CTNNA1: variants seen among roughly 807,000 people sequenced by gnomAD.
CTNNA1 encodes catenin alpha 1.
A neutral mutation model predicts 98.4 loss-of-function variants in CTNNA1; 37 were observed. The observed-to-expected ratio is 0.38, with a 90% CI of 0.29 to 0.49. The LOEUF (loss-of-function observed/expected upper bound fraction) is 0.49, where lower values mean the gene tolerates loss of function less well. Ranked by LOEUF, CTNNA1 falls within the 20% of genes least tolerant of loss-of-function variation. CTNNA1 has a pLI of 0.95. For missense variants in CTNNA1, 761 were observed against 1,147.2 expected, an observed-to-expected ratio of 0.66 and a Z score of 4.86; for synonymous variants, 404 against 413.2, an observed-to-expected ratio of 0.98 and a Z score of 0.27.
intron 9 of CTNNA1, among the ~76,000 whole-genome samples, chr5:138,898,326 T>G (rs765802225): frequency 2.2e-4 from 34 of 152,278 alleles, no homozygotes; most frequent in Admixed American, 4.6e-4. Context: ...TCTTTTCTTA[T>G]AAATTACCCA....
At chr5:138,777,764 A>T (rs1178617589) in intron 1 of CTNNA1, among the ~76,000 whole-genome samples, 4 of 151,004 alleles carry the variant, frequency 2.6e-5, no homozygotes, top group African/African-American at 9.7e-5. Flanking sequence ...AGGCTGAGGC[A>T]GGAGAATCAG....
At chr5:138,925,884 G>T (rs1763907451) in intron 13 of CTNNA1, among the ~76,000 whole-genome samples, 1 of 152,180 alleles carries the variant, frequency 6.6e-6, no homozygotes, top group Non-Finnish European at 1.5e-5. Flanking sequence ...CAAGTGCCGA[G>T]CCCCTTTCCC....
chr5:138,889,206 G>C (rs1057109235), intron 9 of CTNNA1, among the ~76,000 whole-genome samples: 2 of 152,126 alleles, frequency 1.3e-5, no homozygotes, highest in African/African-American at 2.4e-5. Flanking sequence ...CCAAGGCCTT[G>C]GGTACCAGTG....
chr5:138,900,094 CT>C (rs748345308), intron 9 of CTNNA1, among the ~76,000 whole-genome samples: 1 of 152,210 alleles, frequency 6.6e-6, no homozygotes, highest in Non-Finnish European at 1.5e-5. Context: ...TATTGAGTGC[CT>C]CTGAAATGTT....
chr5:138,781,809 T>A (rs554131274), intron 1 of CTNNA1, 114 bp from the exon 2 acceptor site: 246 of 908,170 alleles, frequency 2.7e-4, no homozygotes, highest in Non-Finnish European at 5.2e-5. Flanking sequence ...AATTTTTTCA[T>A]CTATAGTGAA....
At chr5:138,863,749 T>A (rs1312392745) in intron 7 of CTNNA1, among the ~76,000 whole-genome samples, 1 of 152,126 alleles carries the variant, frequency 6.6e-6, no homozygotes, top group Non-Finnish European at 1.5e-5. Context: ...CTGATTGAGG[T>A]GGACAAGATA....
At chr5:138,878,377 T>A (rs1011857217) in intron 7 of CTNNA1, among the ~76,000 whole-genome samples, 5 of 152,242 alleles carry the variant, frequency 3.3e-5, no homozygotes, top group Non-Finnish European at 7.3e-5. Flanking sequence ...GGGCTACATA[T>A]CTATTTTTCT....
chr5:138,875,679 C>A (rs921855701), intron 7 of CTNNA1: 1 of 985,302 alleles, frequency 1.0e-6, no homozygotes, highest in Non-Finnish European at 1.2e-6. Flanking sequence ...GAGAGATCAT[C>A]TAAATGGGCA....
chr5:138,849,604 C>G (rs1972072), intron 7 of CTNNA1, among the ~76,000 whole-genome samples: 104,875 of 152,024 alleles, frequency 0.69, 36,338 homozygotes, highest in East Asian at 0.93. Context: ...GAGGCACGTG[C>G]GCTGGCTGGT....
intron 5 of CTNNA1, among the ~76,000 whole-genome samples, chr5:138,816,678 T>C (rs1202183958): frequency 6.6e-6 from 1 of 152,198 alleles, no homozygotes; most frequent in Admixed American, 6.5e-5. Flanking sequence ...ATGTCTTCTT[T>C]TGAGAAATGT....
chr5:138,843,688 TTAGA>T (rs1232725086), intron 7 of CTNNA1, among the ~76,000 whole-genome samples: 2 of 152,312 alleles, frequency 1.3e-5, no homozygotes, highest in Admixed American at 1.3e-4. Flanking sequence ...CAGCTATGAA[TTAGA>T]TAGGCAGCAA....
chr5:138,818,056 G>T (rs1759613241), intron 5 of CTNNA1, among the ~76,000 whole-genome samples: 1 of 151,762 alleles, frequency 6.6e-6, no homozygotes. Context: ...GATTACTGGT[G>T]TGAGCCACTG....
chr5:138,933,201 CATAG>C (rs967245466), intron 17 of CTNNA1, among the ~76,000 whole-genome samples: 6 of 152,130 alleles, frequency 3.9e-5, no homozygotes, highest in African/African-American at 1.4e-4. Flanking sequence ...TAAGAGTAGA[CATAG>C]ATAGGGTGTT....
rs1357739932 is a variant in CTNNA1 at position 138,753,467 on chromosome 5, T to C, written c.-46T>C. ...GGAGGGAGACAAAGCAGCGCCCGTC[T>C]GCTTCGGGCCTCTGGAATTTAGCGC... On this transcript the variant is annotated 5_prime_UTR_variant, in exon 1 of 18. Coordinates refer to ENST00000302763, the MANE Select transcript of CTNNA1 (RefSeq NM_001903.5). 11 of 377,428 alleles carry C rather than the reference T, an allele frequency of 2.9e-5. 1 individual carries two copies. In the South Asian group the frequency reaches 1.4e-3, roughly 49 times the overall value. 23.4% of individuals were successfully genotyped at this position (377,428 alleles called of 1,614,324 possible). A position where few individuals can be genotyped will look rare whatever the true frequency, so the allele number is the denominator to read the frequency against.
At chr5:138,847,598 G>C (rs1281210624) in intron 7 of CTNNA1, among the ~76,000 whole-genome samples, 1 of 152,174 alleles carries the variant, frequency 6.6e-6, no homozygotes, top group African/African-American at 2.4e-5. Context: ...CCTGATGGTG[G>C]GATTTCAGGC....
At chr5:138,829,956 G>A (rs1263046796) in intron 7 of CTNNA1, among the ~76,000 whole-genome samples, 1 of 151,944 alleles carries the variant, frequency 6.6e-6, no homozygotes, top group African/African-American at 2.4e-5. Flanking sequence ...CACAAGGTCA[G>A]GAGATAGAGA....
chr5:138,824,121 T>C (rs1229224671), intron 5 of CTNNA1, among the ~76,000 whole-genome samples: 1 of 152,124 alleles, frequency 6.6e-6, no homozygotes, highest in Non-Finnish European at 1.5e-5. Flanking sequence ...GCTAGGCAGT[T>C]TGTTTTGTCT....
chr5:138,822,762 T>C (rs1449614131), intron 5 of CTNNA1, among the ~76,000 whole-genome samples: 2 of 152,204 alleles, frequency 1.3e-5, no homozygotes, highest in African/African-American at 4.8e-5. Flanking sequence ...CTTGCAAATT[T>C]AGATTCCAAA....
chr5:138,796,244 TG>T (rs1318151209), intron 3 of CTNNA1, among the ~76,000 whole-genome samples: 1 of 152,242 alleles, frequency 6.6e-6, no homozygotes, highest in Admixed American at 6.5e-5. Context: ...CTTTAAAGAC[TG>T]AAGGCTCCTA....
Sources: allele counts gnomAD v4.1 joint callset (sites outside exome capture counted in the v4.1 genomes callset), GRCh38; gene constraint gnomAD v4.1.1; transcripts MANE v1.5; gene names NCBI Gene and HGNC (gene_info 2026-07-23, HGNC 2026-07-21).